The following TP53RK variants were observed in gnomAD, a reference collection of about 807,000 sequenced individuals.
TP53RK encodes TP53 regulating kinase, also known as EKC/KEOPS complex subunit TP53RK.
TP53RK carries 17 observed loss-of-function variants against 14.9 expected under a neutral mutation model. The ratio of observed to expected loss-of-function variants is 1.14; its 90% CI spans 0.78 to 1.71. The LOEUF is 1.71. TP53RK is among the 40% of genes most tolerant of loss of function. TP53RK has a pLI of 0.00. For missense variants in TP53RK, 343 were observed against 332.0 expected (o/e 1.03, Z -0.26); for synonymous variants, 131 against 138.0 (o/e 0.95, Z 0.36).
Position 46,689,432 on chromosome 20 carries a change from G to T in TP53RK, c.-18C>A. On this transcript the variant is annotated 5_prime_UTR_variant, in exon 1 of 2. The change creates a new upstream start codon in the 5' untranslated region. Coordinates refer to ENST00000372114, the MANE Select transcript of TP53RK (RefSeq NM_033550.4). The stretch of plus-strand genomic sequence containing the variant: ...GCCGCCATGACTGCTCGGCGCAACA[G>T]CTCCAACCGATCAGCTGTCTCTGAA... 6.6e-7 allele frequency: 1 copy of T among 1,512,016 alleles called. No homozygotes were observed. Among genetic ancestry groups the T allele is most frequent in the Middle Eastern group, 1.8e-4 (1 of 5,706 alleles). The allele number at this position is 1,512,016 out of a possible 1,614,324, so 93.7% of individuals were successfully genotyped here.
rs2122960452 is a variant in TP53RK, at chr20:46,684,981, C to G, written c.*1772G>C. 1 of 152,320 alleles carries G rather than the reference C, an allele frequency of 6.6e-6. No homozygotes were observed. The highest frequency in any genetic ancestry group is 2.4e-5 in the African/African-American group (1 of 41,570). 9.4% of individuals were successfully genotyped at this position (152,320 alleles called of 1,614,324 possible). ...TACCTGTGACGTCTTGGACAAGTTC[C>G]CACCTTTTGGGGCCAGTTTCTCCAT... On this transcript the variant is annotated 3_prime_UTR_variant, in exon 2 of 2. Coordinates refer to ENST00000372114, the MANE Select transcript of TP53RK (RefSeq NM_033550.4).
At chr20:46,687,438 A>C (rs924273699) in intron 1 of TP53RK, among the ~76,000 whole-genome samples, 4 of 152,174 alleles carry the variant, frequency 2.6e-5, no homozygotes, top group African/African-American at 9.7e-5. Context: ...CCCCACAGCT[A>C]AACTGAGGAG....
At position 46,687,214 on chromosome 20, in the gene TP53RK, C is replaced by A. The variant is rs1267038690; in HGVS notation, c.301G>T (p.Val101Phe). 2 of 1,588,020 alleles carry A rather than the reference C, an allele frequency of 1.3e-6. No homozygotes were observed. Among genetic ancestry groups the A allele is most frequent in the African/African-American group, 2.7e-5 (2 of 74,010 alleles). The change falls in exon 2 of 2, where the codon GTC becomes TTC. Residue 101 changes from valine (V) to phenylalanine (F), a missense_variant. Physicochemically the swap from Val to Phe is conservative, Grantham distance 50. Coordinates refer to ENST00000372114, the MANE Select transcript of TP53RK (RefSeq NM_033550.4). ...TTGGAAGCATAGTCCACAAAAAAGA[C>A]AACTGGGGCAGATATTCCTGAAATC... ...CRRAGISAPV[V>F]FFVDYASNCL...
At position 46,686,676 on chromosome 20, in the gene TP53RK, A is replaced by G. The variant is rs1041358044; in HGVS notation, c.*77T>C. The G allele has an allele frequency of 4.1e-6, 5 of 1,208,064 alleles. No individual in the cohort carries two copies. The highest frequency in any genetic ancestry group is 2.4e-6 in the Non-Finnish European group (2 of 838,384). The allele number at this position is 1,208,064 out of a possible 1,614,324, so 74.8% of individuals were successfully genotyped here. A position where few individuals can be genotyped will look rare whatever the true frequency, so the allele number is the denominator to read the frequency against. The stretch of plus-strand genomic sequence containing the variant: ...ATCTTAACACCTTTACTTAGATCTC[A>G]TCTCATACTTGTAGCATTTCTTCAA... On this transcript the variant is annotated 3_prime_UTR_variant, in exon 2 of 2. Transcript: ENST00000372114.
chr20:46,686,994 A>T lies in TP53RK; in HGVS notation c.521T>A (p.Leu174Gln), dbSNP rs766808581. 46 of 1,613,928 alleles carry T rather than the reference A, an allele frequency of 2.9e-5. No homozygotes were observed. Among genetic ancestry groups the T allele is most frequent in the Non-Finnish European group, 3.1e-5 (36 of 1,179,998 alleles). Residue 174 changes from leucine to glutamine, a missense_variant, in exon 2 of 2, where the codon CTG becomes CAG. By Grantham distance (113) the Leu-to-Gln change is moderately radical (BLOSUM62 -2). Coordinates refer to ENST00000372114, the MANE Select transcript of TP53RK (RefSeq NM_033550.4). ...TATGAGCACAATGTTCAGCTGTTCC[A>T]GGGGGGGTTTCAGGAGCATGTTGGA... Reference protein sequence around the residue: ...TTSNMLLKPPLEQLNIVLIDF... With the variant: ...TTSNMLLKPPQEQLNIVLIDF...
intron 1 of TP53RK, among the ~76,000 whole-genome samples, chr20:46,688,417 C>T (rs1436544692): frequency 6.6e-6 from 1 of 152,376 alleles, no homozygotes; most frequent in Non-Finnish European, 1.5e-5. Flanking sequence ...ACTTAGTAAC[C>T]GTGTAACCTT....
rs889922240 is a variant in TP53RK at position 46,684,601 on chromosome 20, G to T, written c.*2152C>A. ...CGAGGATTAAATTACCTCCCACTGG[G>T]TCCCTCCCATGTCACGTGGGGATTA... On this transcript the variant is annotated 3_prime_UTR_variant, in exon 2 of 2. Transcript: ENST00000372114. The T allele has an allele frequency of 1.3e-5, 2 of 152,098 alleles. No individual in the cohort carries two copies. The highest frequency in any genetic ancestry group is 4.8e-5 in the African/African-American group (2 of 41,418). 9.4% of individuals were successfully genotyped at this position (152,098 alleles called of 1,614,324 possible). A position where few individuals can be genotyped will look rare whatever the true frequency, so the allele number is the denominator to read the frequency against.
At chr20:46,687,749 T>C (rs973805904) in intron 1 of TP53RK, among the ~76,000 whole-genome samples, 3 of 152,154 alleles carry the variant, frequency 2.0e-5, no homozygotes, top group Admixed American at 6.5e-5. Context: ...TGAGCTGAGA[T>C]TGTGCCACTG....
At chr20:46,688,842 C>T (rs183351788) in intron 1 of TP53RK, among the ~76,000 whole-genome samples, 1 of 152,296 alleles carries the variant, frequency 6.6e-6, no homozygotes, top group African/African-American at 2.4e-5. Context: ...GAAACCAAGG[C>T]TCAGGGAAGT....
At chr20:46,688,884 G>A (rs924220809) in intron 1 of TP53RK, among the ~76,000 whole-genome samples, 1 of 152,132 alleles carries the variant, frequency 6.6e-6, no homozygotes, top group South Asian at 2.1e-4. Flanking sequence ...AATAATGACA[G>A]ATCCCAGATT....
rs1451337186 is a variant in TP53RK, at chr20:46,689,242, A to G, written c.173T>C (p.Val58Ala). Reference sequence around the variant, plus strand: ...GCCCTTGGGGAAGCGGTGCTTGATCACCGCCGCGCGGCCCTGGAAGCGGCC... The same window carrying G: ...GCCCTTGGGGAAGCGGTGCTTGATCGCCGCCGCGCGGCCCTGGAAGCGGCC... The part of the protein sequence containing the change: ...FRGRFQGRAA[V>A]IKHRFPKGYR... Residue 58 changes from valine (V) to alanine (A), a missense_variant, in exon 1 of 2, where the codon GTG (valine) becomes GCG (alanine). Val to Ala is a moderately conservative substitution (Grantham distance 64). Coordinates refer to ENST00000372114, the MANE Select transcript of TP53RK (RefSeq NM_033550.4). 1.3e-6 allele frequency: 2 copies of G among 1,531,690 alleles called. No individual in the cohort carries two copies. The highest frequency in any genetic ancestry group is 1.7e-6 in the Non-Finnish European group (2 of 1,145,908). 94.9% of individuals were successfully genotyped at this position (1,531,690 alleles called of 1,614,324 possible).
In TP53RK at chr20:46,689,431, A is replaced by C. The variant is rs550535015; in HGVS notation, c.-17T>G. On this transcript the variant is annotated 5_prime_UTR_variant, in exon 1 of 2. Transcript: ENST00000372114. ...CGCCGCCATGACTGCTCGGCGCAAC[A>C]GCTCCAACCGATCAGCTGTCTCTGA... 6.6e-7 allele frequency: 1 copy of C among 1,512,888 alleles called. No homozygotes were observed. The allele number at this position is 1,512,888 out of a possible 1,614,324, so 93.7% of individuals were successfully genotyped here. A position where few individuals can be genotyped will look rare whatever the true frequency, so the allele number is the denominator to read the frequency against.
Position 46,687,086 on chromosome 20 carries a change from G to C in TP53RK, c.429C>G (p.Ala143=), listed in dbSNP as rs775905582. The change falls in exon 2 of 2, where the codon GCC becomes GCG. Residue 143 remains alanine, a synonymous_variant. Coordinates refer to ENST00000372114, the MANE Select transcript of TP53RK (RefSeq NM_033550.4). ...GAGCCAAAACCTGCCCAATTGTCTT[G>C]GCTAAGTTGGAGAGACCCTGGGGAG... is the stretch of plus-strand genomic sequence containing the variant. The part of the protein sequence containing the change: ...EKTPQGLSNL[A]KTIGQVLARM... 2 of 1,614,122 alleles carry C rather than the reference G, an allele frequency of 1.2e-6. No individual in the cohort carries two copies. Among genetic ancestry groups the C allele is most frequent in the South Asian group, 2.2e-5 (2 of 91,072 alleles).
At chr20:46,688,569 T>C (rs1379476650) in intron 1 of TP53RK, among the ~76,000 whole-genome samples, 1 of 152,248 alleles carries the variant, frequency 6.6e-6, no homozygotes, top group Non-Finnish European at 1.5e-5. Context: ...GGCACACATT[T>C]GAACATAATA....
chr20:46,688,385 G>A (rs911225864), intron 1 of TP53RK, among the ~76,000 whole-genome samples: 2 of 152,272 alleles, frequency 1.3e-5, no homozygotes, highest in African/African-American at 2.4e-5. Flanking sequence ...GAGGCATAAG[G>A]AGCTGAGGGC....
At chr20:46,689,109 G>T in intron 1 of TP53RK, 23 bp downstream of exon 1, 5 of 1,362,456 alleles carry the variant, frequency 3.7e-6, no homozygotes, top group Non-Finnish European at 4.7e-6. Context: ...GGCCGCCCAC[G>T]CCGGGATCCC....
At chr20:46,688,701 T>A (rs1161941818) in intron 1 of TP53RK, among the ~76,000 whole-genome samples, 1 of 152,212 alleles carries the variant, frequency 6.6e-6, no homozygotes, top group Non-Finnish European at 1.5e-5. Flanking sequence ...GTTGAAAGGC[T>A]ACACAAGCAG....
In TP53RK at chr20:46,687,287, A is replaced by G. The variant is rs555651297; in HGVS notation, c.284-56T>C. 167 of 1,440,858 alleles carry G rather than the reference A, an allele frequency of 1.2e-4. No individual in the cohort carries two copies. In the African/African-American group the frequency reaches 2.1e-3, roughly 18 times the overall value. 89.3% of individuals were successfully genotyped at this position (1,440,858 alleles called of 1,614,324 possible). A position where few individuals can be genotyped will look rare whatever the true frequency, so the allele number is the denominator to read the frequency against. On this transcript the variant is annotated intron_variant, in intron 1 of 1. Transcript: ENST00000372114. ...TGGATTTTTTTTAACGGGTAAACTTAATTTTCAAAGATTAAGCCAGTTTTT... is the reference window on the plus strand; with the variant it reads ...TGGATTTTTTTTAACGGGTAAACTTGATTTTCAAAGATTAAGCCAGTTTTT...
rs748123388 is a variant in TP53RK at position 46,689,221 on chromosome 20, T to C, written c.194A>G (p.Lys65Arg). The change falls in exon 1 of 2, where the codon AAG becomes AGG. Residue 65 changes from lysine to arginine, a missense_variant. Lys to Arg is a conservative substitution (Grantham distance 26). Coordinates refer to ENST00000372114, the MANE Select transcript of TP53RK (RefSeq NM_033550.4). Reference sequence around the variant, plus strand: ...CTCCAGCGCCGGGTGCCGGTAGCCCTTGGGGAAGCGGTGCTTGATCACCGC... The same window carrying C: ...CTCCAGCGCCGGGTGCCGGTAGCCCCTGGGGAAGCGGTGCTTGATCACCGC... ...RAAVIKHRFPKGYRHPALEAR... is the reference protein window; with the variant it reads ...RAAVIKHRFPRGYRHPALEAR... 22 of 1,528,908 alleles carry C rather than the reference T, an allele frequency of 1.4e-5. No homozygotes were observed. Among genetic ancestry groups the C allele is most frequent in the Middle Eastern group, 2.1e-4 (1 of 4,666 alleles). The allele number at this position is 1,528,908 out of a possible 1,614,324, so 94.7% of individuals were successfully genotyped here.
Sources: allele counts gnomAD v4.1 joint callset (sites outside exome capture counted in the v4.1 genomes callset), GRCh38; gene constraint gnomAD v4.1.1; transcripts MANE v1.5; gene names NCBI Gene and HGNC (gene_info 2026-07-23, HGNC 2026-07-21).